Variants in SDK1 observed in about 807,000 individuals in gnomAD.
The protein encoded by SDK1 is protein sidekick-1.
In SDK1, 157 loss-of-function variants were observed where a neutral mutation model predicts 245.5. The observed-to-expected ratio is 0.64, with a 90% CI of 0.56 to 0.73. SDK1 has a LOEUF of 0.73. SDK1 is among the 30% of genes least tolerant of loss of function. The pLI, the probability that SDK1 is intolerant of heterozygous loss-of-function variation, is 0.00. For synonymous variants in SDK1, 1,647 were observed against 1,278.5 expected (o/e 1.29, Z -6.15); for missense variants, 3,583 against 3,002.3 (o/e 1.19, Z -4.52).
chr7:3,899,944 G>A (rs539119993), intron 5 of SDK1, among the ~76,000 whole-genome samples: 38 of 152,284 alleles, frequency 2.5e-4, no homozygotes, highest in African/African-American at 7.5e-4. Context: ...TCCCTTGACC[G>A]CATGCATTTT....
intron 1 of SDK1, among the ~76,000 whole-genome samples, chr7:3,598,714 T>C (rs772736755): frequency 2.0e-5 from 3 of 152,244 alleles, no homozygotes; most frequent in Non-Finnish European, 4.4e-5. Context: ...TCACACTGTG[T>C]GTGACCTTTT....
At chr7:4,090,973 CTA>C (rs1232392433) in intron 22 of SDK1, among the ~76,000 whole-genome samples, 1 of 152,282 alleles carries the variant, frequency 6.6e-6, no homozygotes, top group South Asian at 2.1e-4. Flanking sequence ...GAATTCCACT[CTA>C]TGTGGCCAGT....
rs77954346 is a variant in SDK1, at chr7:4,201,934, G to A, written c.5099-3945G>A. Among the ~76,000 whole-genome samples, 906 of 152,338 alleles carry A rather than the reference G, an allele frequency of 5.9e-3. 8 individuals carry two copies. The highest frequency in any genetic ancestry group is 0.02 in the African/African-American group (847 of 41,568). ...CACAGAGTGGCTCTAGCAGTAGGAT[G>A]ACCACCTGTCTGGTGTGAACCTAAC... On this transcript the variant is annotated intron_variant, in intron 35 of 44. Transcript: ENST00000404826.
chr7:3,915,541 A>G (rs1194437536), intron 5 of SDK1, among the ~76,000 whole-genome samples: 2 of 152,260 alleles, frequency 1.3e-5, no homozygotes, highest in South Asian at 4.2e-4. Flanking sequence ...CATGTAAGAC[A>G]TCCTTTTGCT....
At chr7:3,770,837 A>G (rs2214843) in intron 4 of SDK1, among the ~76,000 whole-genome samples, 14,055 of 151,936 alleles carry the variant, frequency 0.093, 2,037 homozygotes, top group African/African-American at 0.31. Flanking sequence ...GCCTTCTATG[A>G]TAGGTTAGGG....
At chr7:4,232,641 A>G (rs977257413) in intron 40 of SDK1, among the ~76,000 whole-genome samples, 1 of 150,874 alleles carries the variant, frequency 6.6e-6, no homozygotes, top group Admixed American at 6.6e-5. Context: ...AATTTTTAAA[A>G]TTGTGCATAT....
chr7:3,672,750 T>C (rs1198705620), intron 4 of SDK1, among the ~76,000 whole-genome samples: 12 of 84,054 alleles, frequency 1.4e-4, no homozygotes, highest in African/African-American at 4.7e-4. Context: ...ATTTTTATAA[T>C]ATATAATTTT....
intron 1 of SDK1, among the ~76,000 whole-genome samples, chr7:3,566,288 G>T (rs1341984269): frequency 6.7e-6 from 1 of 148,788 alleles, no homozygotes; most frequent in African/African-American, 2.5e-5. Flanking sequence ...GCAGTGGCGC[G>T]ATCTTGGCTC....
chr7:3,699,251 T>G (rs1784671383), intron 4 of SDK1, among the ~76,000 whole-genome samples: 1 of 152,102 alleles, frequency 6.6e-6, no homozygotes, highest in African/African-American at 2.4e-5. Flanking sequence ...ACCAAGAATA[T>G]CTCAACTTGA....
At chr7:4,190,263 G>A (rs980274670) in intron 35 of SDK1, among the ~76,000 whole-genome samples, 2 of 152,152 alleles carry the variant, frequency 1.3e-5, no homozygotes, top group East Asian at 1.9e-4. Context: ...ACCACAGGCC[G>A]CCCCTGTCAT....
At position 4,018,071 on chromosome 7, in the gene SDK1, G is replaced by A. The variant is rs78491150; in HGVS notation, c.2602+719G>A. ...CATTTCACTGTTACTGCTCTTAGCAGGAATAAACAGACCCTCTCCCAACAC... is the reference window on the plus strand; with the variant it reads ...CATTTCACTGTTACTGCTCTTAGCAAGAATAAACAGACCCTCTCCCAACAC... On this transcript the variant is annotated intron_variant, in intron 17 of 44. Coordinates refer to ENST00000404826, the MANE Select transcript of SDK1 (RefSeq NM_152744.4). 3.0e-3 allele frequency among the ~76,000 whole-genome samples: 458 copies of A among 152,260 alleles called. 1 individual carries two copies. Among genetic ancestry groups the A allele is most frequent in the African/African-American group, 0.01 (432 of 41,548 alleles).
chr7:3,599,090 C>CTTTTTTTTT (rs58431507), intron 1 of SDK1, among the ~76,000 whole-genome samples: 1 of 80,492 alleles, frequency 1.2e-5, no homozygotes, highest in African/African-American at 4.5e-5. Flanking sequence ...ACTAATCCAC[C>CTTTTTTTTT]TTTTTTTTTT....
At position 3,385,877 on chromosome 7, in the gene SDK1, A is replaced by G. The variant is rs747598434; in HGVS notation, c.298+83993A>G. 5.3e-5 allele frequency among the ~76,000 whole-genome samples: 8 copies of G among 152,214 alleles called. No individual in the cohort carries two copies. The East Asian group carries it at 7.7e-4, about 15-fold the overall frequency. On this transcript the variant is annotated intron_variant, in intron 1 of 44. Transcript: ENST00000404826. The stretch of plus-strand genomic sequence containing the variant: ...TTTACACCCATTATTTCAGCACTTT[A>G]ATGACTCTGTCAGATGTATAGGTTA...
chr7:3,447,435 C>G (rs1037776313), intron 1 of SDK1, among the ~76,000 whole-genome samples: 1 of 151,422 alleles, frequency 6.6e-6, no homozygotes, highest in Non-Finnish European at 1.5e-5. Flanking sequence ...CACTCACTTA[C>G]TCTTCACATG....
At chr7:3,385,026 G>C (rs1781575614) in intron 1 of SDK1, among the ~76,000 whole-genome samples, 1 of 112,896 alleles carries the variant, frequency 8.9e-6, no homozygotes, top group Non-Finnish European at 2.2e-5. Flanking sequence ...GCTCTCTCTA[G>C]AGACACCTGA....
intron 44 of SDK1, among the ~76,000 whole-genome samples, chr7:4,255,127 A>C (rs1787548030): frequency 6.6e-6 from 1 of 152,216 alleles, no homozygotes; most frequent in African/African-American, 2.4e-5. Flanking sequence ...TCTTAGCTTC[A>C]GAAGTCTCTT....
chr7:4,141,323 C>T (rs1345772988), intron 28 of SDK1, among the ~76,000 whole-genome samples: 1 of 152,220 alleles, frequency 6.6e-6, no homozygotes, highest in Non-Finnish European at 1.5e-5. Context: ...AACCAGTTCC[C>T]ACATAATCCC....
intron 35 of SDK1, among the ~76,000 whole-genome samples, chr7:4,193,047 AAATATATAATATATATTAT>A (rs938896635): frequency 1.4e-5 from 2 of 141,632 alleles, no homozygotes; most frequent in South Asian, 2.1e-4. Context: ...TAAGATACAA[AAATATATAATATATATTAT>A]AATATATAAT....
chr7:3,843,822 G>C (rs1780214918), intron 5 of SDK1, among the ~76,000 whole-genome samples: 1 of 152,064 alleles, frequency 6.6e-6, no homozygotes, highest in Non-Finnish European at 1.5e-5. Flanking sequence ...CTAAACTTTT[G>C]TTTGATGAGC....
Sources: gnomAD v4.1 joint callset for allele counts (sites outside exome capture counted in the v4.1 genomes callset) on GRCh38, gnomAD v4.1.1 for gene constraint, MANE v1.5 for transcripts, NCBI Gene and HGNC (gene_info 2026-07-23, HGNC 2026-07-21) for gene names.